Variants in PRELID2 observed in about 807,000 individuals in gnomAD.
PRELID2 encodes the protein PRELI domain containing 2, also known as PRELI domain-containing protein 2.
PRELID2 carries 25 observed loss-of-function variants against 28.4 expected under a neutral mutation model. That is an observed-to-expected ratio of 0.88 (90% confidence interval 0.64 to 1.23). The LOEUF (loss-of-function observed/expected upper bound fraction) is 1.23, where lower values mean the gene tolerates loss of function less well. PRELID2 is among the 50% of genes most tolerant of loss of function. The pLI, the probability that PRELID2 is intolerant of heterozygous loss-of-function variation, is 0.00. For missense variants in PRELID2, 201 were observed against 214.4 expected, an observed-to-expected ratio of 0.94 and a Z score of 0.39; for synonymous variants, 76 against 71.6, an observed-to-expected ratio of 1.06 and a Z score of -0.31.
At chr5:145,816,582 G>A (rs1754322460) in intron 4 of PRELID2, among the ~76,000 whole-genome samples, 1 of 152,016 alleles carries the variant, frequency 6.6e-6, no homozygotes, top group South Asian at 2.1e-4. Flanking sequence ...TTAGGTATTT[G>A]ATCTATTTTG....
At chr5:145,352,197 T>G in the PRELID2 span, among the ~76,000 whole-genome samples, 1 of 152,196 alleles carries the variant, frequency 6.6e-6, no homozygotes, top group African/African-American at 2.4e-5. Context: ...CACCTTTCCC[T>G]TCTGCACTGC....
chr5:145,554,336 GA>G (rs1373087577), intron 1 of PRELID2, among the ~76,000 whole-genome samples: 35 of 152,162 alleles, frequency 2.3e-4, no homozygotes, highest in Non-Finnish European at 4.0e-4. Flanking sequence ...AGCAAGGGAG[GA>G]AAAAGCTTCA....
chr5:145,619,148 C>T (rs755245911), intron 1 of PRELID2, among the ~76,000 whole-genome samples: 4 of 152,206 alleles, frequency 2.6e-5, no homozygotes, highest in Admixed American at 1.3e-4. Flanking sequence ...TCTTCCCCCA[C>T]GTGTGGAGTC....
At chr5:145,304,208 T>C in the PRELID2 span, among the ~76,000 whole-genome samples, 1 of 152,196 alleles carries the variant, frequency 6.6e-6, no homozygotes. Flanking sequence ...AGTAATGTCC[T>C]AATGCCTTAT....
chr5:145,247,460 T>C, the PRELID2 span, among the ~76,000 whole-genome samples: 260 of 152,262 alleles, frequency 1.7e-3, 1 homozygote, highest in Middle Eastern at 6.8e-3. Flanking sequence ...TAGGCCACAG[T>C]GCCAGGTGAG....
chr5:145,812,062 A>C (rs1429122840), intron 4 of PRELID2, among the ~76,000 whole-genome samples: 1 of 152,034 alleles, frequency 6.6e-6, no homozygotes, highest in Non-Finnish European at 1.5e-5. Flanking sequence ...CTGCCAATAC[A>C]CCTATATCAT....
intron 1 of PRELID2, among the ~76,000 whole-genome samples, chr5:145,560,905 C>T (rs932406213): frequency 6.6e-6 from 1 of 152,170 alleles, no homozygotes; most frequent in African/African-American, 2.4e-5. Context: ...ACCTTCATCT[C>T]CCTGGAAGGA....
At chr5:145,659,653 G>A (rs370959124) in intron 1 of PRELID2, among the ~76,000 whole-genome samples, 3 of 152,148 alleles carry the variant, frequency 2.0e-5, no homozygotes, top group East Asian at 1.9e-4. Context: ...AATTGCTTCC[G>A]TCACTTGTAC....
intron 1 of PRELID2, among the ~76,000 whole-genome samples, chr5:145,637,351 C>G (rs1012997141): frequency 6.6e-6 from 1 of 152,146 alleles, no homozygotes; most frequent in African/African-American, 2.4e-5. Flanking sequence ...TCCAGTGCCC[C>G]ATGCCTGGGA....
At chr5:145,236,063 G>A in the PRELID2 span, among the ~76,000 whole-genome samples, 1 of 152,068 alleles carries the variant, frequency 6.6e-6, no homozygotes, top group African/African-American at 2.4e-5. Context: ...ATTTCCATAG[G>A]TTCTGTCTTC....
chr5:145,238,564 T>C, the PRELID2 span, among the ~76,000 whole-genome samples: 1 of 152,126 alleles, frequency 6.6e-6, no homozygotes, highest in African/African-American at 2.4e-5. Flanking sequence ...ACTAAGCATC[T>C]GTTGAATAAA....
chr5:145,327,510 A>T, the PRELID2 span, among the ~76,000 whole-genome samples: 2 of 152,086 alleles, frequency 1.3e-5, no homozygotes, highest in Non-Finnish European at 2.9e-5. Flanking sequence ...GTGTCCTTAA[A>T]GCTACAAGAA....
intron 4 of PRELID2, among the ~76,000 whole-genome samples, chr5:145,804,988 C>T (rs561659050): frequency 6.6e-6 from 1 of 152,272 alleles, no homozygotes; most frequent in Admixed American, 6.5e-5. Flanking sequence ...CACCAGGTTC[C>T]TCTCTATTGT....
chr5:145,395,790 G>C, the PRELID2 span, among the ~76,000 whole-genome samples: 7,006 of 152,160 alleles, frequency 0.046, 275 homozygotes, highest in South Asian at 0.17. Flanking sequence ...AGAACCCATG[G>C]CTTGGAGTCA....
intron 1 of PRELID2, among the ~76,000 whole-genome samples, chr5:145,829,156 C>T (rs1755421554): frequency 6.6e-6 from 1 of 152,044 alleles, no homozygotes; most frequent in Admixed American, 6.6e-5. Context: ...CCAACTAGGC[C>T]TTGCAAAGTG....
the PRELID2 span, among the ~76,000 whole-genome samples, chr5:145,438,614 A>G: frequency 6.6e-6 from 1 of 152,168 alleles, no homozygotes; most frequent in Non-Finnish European, 1.5e-5. Flanking sequence ...TAGCAATTGG[A>G]ACAGAGAAAA....
the PRELID2 span, among the ~76,000 whole-genome samples, chr5:145,296,770 G>A: frequency 2.0e-5 from 3 of 152,074 alleles, no homozygotes; most frequent in Admixed American, 2.0e-4. Context: ...TCGCCACACT[G>A]ACTTCCACAA....
chr5:145,591,655 A>G (rs943520342), intron 1 of PRELID2, among the ~76,000 whole-genome samples: 3 of 152,196 alleles, frequency 2.0e-5, no homozygotes, highest in Admixed American at 1.3e-4. Context: ...ATAAAAAAGC[A>G]CAAATATCCC....
chr5:145,548,593 T>G (rs1429689528), intron 1 of PRELID2, among the ~76,000 whole-genome samples: 1 of 152,210 alleles, frequency 6.6e-6, no homozygotes, highest in Non-Finnish European at 1.5e-5. Context: ...GATCTGGGCA[T>G]CATTTCTGTT....
Sources: allele counts gnomAD v4.1 joint callset (sites outside exome capture counted in the v4.1 genomes callset), GRCh38; gene constraint gnomAD v4.1.1; transcripts MANE v1.5; gene names NCBI Gene and HGNC (gene_info 2026-07-23, HGNC 2026-07-21).